The following NVL variants were observed in gnomAD, a reference collection of about 807,000 sequenced individuals.
The protein encoded by NVL is nuclear VCP like.
Under a neutral mutation model 110.2 loss-of-function variants are expected in NVL, and 84 were observed. The ratio of observed to expected loss-of-function variants is 0.76; its 90% CI spans 0.64 to 0.91. The LOEUF (loss-of-function observed/expected upper bound fraction) is 0.91, where lower values mean the gene tolerates loss of function less well. NVL is among the 40% of genes least tolerant of loss of function. NVL has a pLI of 0.00. For synonymous variants in NVL, 354 were observed against 361.1 expected, an observed-to-expected ratio of 0.98 and a Z score of 0.22; for missense variants, 882 against 1,035.9, an observed-to-expected ratio of 0.85 and a Z score of 2.04.
intron 18 of NVL, among the ~76,000 whole-genome samples, chr1:224,264,736 G>A (rs536384352): frequency 1.4e-4 from 6 of 42,656 alleles, no homozygotes; most frequent in Non-Finnish European, 4.5e-4. Flanking sequence ...GATCTAGAAC[G>A]TTTATTATTA....
chr1:224,325,909 C>G (rs1347810418), intron 2 of NVL, among the ~76,000 whole-genome samples: 1 of 152,128 alleles, frequency 6.6e-6, no homozygotes, highest in African/African-American at 2.4e-5. Context: ...ACCTCAGCCT[C>G]CCAAGTAGGT....
At chr1:224,230,224 G>T (rs1659718213) in intron 22 of NVL, among the ~76,000 whole-genome samples, 1 of 152,156 alleles carries the variant, frequency 6.6e-6, no homozygotes, top group African/African-American at 2.4e-5. Context: ...GGCTTAGTTT[G>T]GGTACAGTCT....
chr1:224,297,415 G>A (rs1013199343), intron 10 of NVL, among the ~76,000 whole-genome samples: 2 of 152,184 alleles, frequency 1.3e-5, no homozygotes, highest in Non-Finnish European at 2.9e-5. Flanking sequence ...ATCAGCTACC[G>A]AGAGTAGTCA....
intron 18 of NVL, among the ~76,000 whole-genome samples, chr1:224,266,209 C>T (rs1398093114): frequency 1.3e-5 from 2 of 151,970 alleles, no homozygotes; most frequent in African/African-American, 4.8e-5. Context: ...GAAACAGGGC[C>T]CTCATTTCCT....
chr1:224,251,840 T>G (rs1472793331), intron 18 of NVL, among the ~76,000 whole-genome samples: 1 of 152,156 alleles, frequency 6.6e-6, no homozygotes, highest in Non-Finnish European at 1.5e-5. Context: ...TTCCTCTGAT[T>G]ACGTCAACCC....
chr1:224,328,559 A>G (rs770023453), intron 1 of NVL, among the ~76,000 whole-genome samples: 2 of 152,064 alleles, frequency 1.3e-5, no homozygotes, highest in African/African-American at 2.4e-5. Context: ...TTAGGAGGCT[A>G]TTGTAATAGT....
intron 14 of NVL, among the ~76,000 whole-genome samples, chr1:224,287,296 A>AAT (rs1666958949): frequency 6.6e-6 from 1 of 152,208 alleles, no homozygotes. Context: ...TAATGAAGAG[A>AAT]AGTTGGTTAA....
chr1:224,264,671 G>A (rs554045571), intron 18 of NVL, among the ~76,000 whole-genome samples: 2 of 152,178 alleles, frequency 1.3e-5, no homozygotes, highest in African/African-American at 2.4e-5. Context: ...ACAATGTCAC[G>A]TGATAGTATA....
chr1:224,329,803 A>T (rs756308625), intron 1 of NVL, among the ~76,000 whole-genome samples: 4 of 152,174 alleles, frequency 2.6e-5, no homozygotes, highest in African/African-American at 9.7e-5. Flanking sequence ...CTACTGAATG[A>T]TCTGCGCTGA....
chr1:224,324,821 G>A (rs1476960174), intron 2 of NVL, among the ~76,000 whole-genome samples: 1 of 152,194 alleles, frequency 6.6e-6, no homozygotes. Context: ...GAATGTATCT[G>A]CACATGAGAA....
intron 1 of NVL, among the ~76,000 whole-genome samples, chr1:224,327,894 C>G (rs2102813922): frequency 6.6e-6 from 1 of 151,730 alleles, no homozygotes; most frequent in South Asian, 2.1e-4. Flanking sequence ...ACAACGAGAA[C>G]AAAGGTCCTG....
chr1:224,255,948 G>A (rs1663172300), intron 18 of NVL, among the ~76,000 whole-genome samples: 1 of 152,094 alleles, frequency 6.6e-6, no homozygotes, highest in Non-Finnish European at 1.5e-5. Flanking sequence ...TGGATATTCA[G>A]TTGCTCCAGT....
intron 17 of NVL, among the ~76,000 whole-genome samples, chr1:224,273,081 C>CAA (rs57237610): frequency 0.06 from 8,780 of 145,636 alleles, 830 homozygotes; most frequent in African/African-American, 0.2. Context: ...ACAACAAAAA[C>CAA]ACAAGAAAAG....
chr1:224,329,040 A>AAAT (rs199844168), intron 1 of NVL, among the ~76,000 whole-genome samples: 39 of 151,664 alleles, frequency 2.6e-4, no homozygotes, highest in South Asian at 1.0e-3. Context: ...CCGTCTCTAC[A>AAAT]AATAATAATA....
chr1:224,243,542 A>C (rs919538098), intron 19 of NVL, among the ~76,000 whole-genome samples: 3 of 152,124 alleles, frequency 2.0e-5, no homozygotes, highest in Non-Finnish European at 4.4e-5. Flanking sequence ...TAAGACATAC[A>C]CTTCAAAGGG....
At chr1:224,251,160 C>A (rs1662439441) in intron 18 of NVL, among the ~76,000 whole-genome samples, 1 of 150,820 alleles carries the variant, frequency 6.6e-6, no homozygotes, top group African/African-American at 2.4e-5. Flanking sequence ...TGTAATCCCA[C>A]CTACTCGGGA....
chr1:224,234,626 G>T (rs1455384431), intron 20 of NVL, among the ~76,000 whole-genome samples: 2 of 151,784 alleles, frequency 1.3e-5, no homozygotes, highest in East Asian at 3.9e-4. Context: ...AACTGAATCT[G>T]GTGTTTTGTT....
chr1:224,255,054 T>C (rs560932763), intron 18 of NVL, among the ~76,000 whole-genome samples: 1 of 151,752 alleles, frequency 6.6e-6, no homozygotes, highest in African/African-American at 2.4e-5. Flanking sequence ...GTATTTTTGG[T>C]AGAGACGGGA....
intron 19 of NVL, among the ~76,000 whole-genome samples, chr1:224,243,294 T>TAA (rs1661412988): frequency 6.9e-6 from 1 of 144,720 alleles, no homozygotes; most frequent in African/African-American, 2.6e-5. Context: ...ACCCTGTTTC[T>TAA]ACAAAAAAAA....
Sources: gnomAD v4.1 joint callset for allele counts (sites outside exome capture counted in the v4.1 genomes callset) on GRCh38, gnomAD v4.1.1 for gene constraint, MANE v1.5 for transcripts, NCBI Gene and HGNC (gene_info 2026-07-23, HGNC 2026-07-21) for gene names.